The following PRKD3 variants were observed in gnomAD, a reference collection of about 807,000 sequenced individuals.
PRKD3 encodes protein kinase D3.
Under a neutral mutation model 99.2 loss-of-function variants are expected in PRKD3, and 47 were observed. The observed-to-expected ratio is 0.47, with a 90% CI of 0.38 to 0.60. PRKD3 has a LOEUF of 0.60. PRKD3 is among the 20% of genes least tolerant of loss of function. The probability of loss-of-function intolerance (pLI) is 0.00; values close to 1 mark genes in which losing one functional copy is unlikely to be tolerated. For synonymous variants in PRKD3, 392 were observed against 355.4 expected, an observed-to-expected ratio of 1.10 and a Z score of -1.16; for missense variants, 1,019 against 1,088.4, an observed-to-expected ratio of 0.94 and a Z score of 0.90.
rs992015234 is a variant in PRKD3, at chr2:37,254,234, A to G, written c.2469T>C (p.Val823=). Residue 823 remains valine, a synonymous_variant, in exon 18 of 19, where the codon GTT becomes GTC. Transcript: ENST00000234179. ...GCCAGGGATGACTAAGAGATTTGTC[A>G]ACACTGTAACGTTTTCTCATCTTCA... is the stretch of plus-strand genomic sequence containing the variant. ...LQVKMRKRYS[V]DKSLSHPWLQ... 7 of 1,613,310 alleles carry G rather than the reference A, an allele frequency of 4.3e-6. No homozygotes were observed. The highest frequency in any genetic ancestry group is 1.7e-5 in the Admixed American group (1 of 60,012).
intron 1 of PRKD3, among the ~76,000 whole-genome samples, chr2:37,319,397 T>C (rs1671784212): frequency 6.6e-6 from 1 of 152,074 alleles, no homozygotes; most frequent in Non-Finnish European, 1.5e-5. Flanking sequence ...ATTTATTAGA[T>C]AATAAAGGCA....
Position 37,253,234 on chromosome 2 carries a change from T to C in PRKD3, c.2616A>G (p.Val872=). The part of the protein sequence containing the change: ...WEIHAYTHNL[V]YPKHFIMAPN... The stretch of plus-strand genomic sequence containing the variant: ...GAGCCATAATGAAGTGCTTTGGGTA[T>C]ACAAGGTTATGTGTGTATGCATGTA... The change falls in exon 19 of 19, where the codon GTA becomes GTG. Residue 872 remains valine (V), a synonymous_variant. Coordinates refer to ENST00000234179, the MANE Select transcript of PRKD3 (RefSeq NM_005813.6). The C allele has an allele frequency of 6.2e-7, 1 of 1,612,304 alleles. No individual in the cohort carries two copies.
At chr2:37,255,163 A>G (rs1225346091) in intron 17 of PRKD3, among the ~76,000 whole-genome samples, 1 of 152,230 alleles carries the variant, frequency 6.6e-6, no homozygotes, top group African/African-American at 2.4e-5. Context: ...AACACTGGTT[A>G]ACATCAAAAA....
intron 8 of PRKD3, chr2:37,279,204 A>G (rs984635805): frequency 6.6e-6 from 1 of 152,202 alleles, no homozygotes; most frequent in Non-Finnish European, 1.5e-5. Context: ...GGCTACAAAA[A>G]TTGAATTTCT....
At chr2:37,278,830 G>GGGA (rs1226053007) in intron 8 of PRKD3, 8 of 152,226 alleles carry the variant, frequency 5.3e-5, no homozygotes, top group African/African-American at 9.7e-5. Flanking sequence ...CCAGCTACTT[G>GGGA]GGAGGCTGAG....
At chr2:37,313,078 C>T (rs1671508469) in intron 2 of PRKD3, among the ~76,000 whole-genome samples, 1 of 152,160 alleles carries the variant, frequency 6.6e-6, no homozygotes, top group Non-Finnish European at 1.5e-5. Context: ...ATACTCTGAT[C>T]AGATGCATAT....
intron 2 of PRKD3, among the ~76,000 whole-genome samples, chr2:37,300,435 G>C (rs1391421591): frequency 6.6e-6 from 1 of 152,094 alleles, no homozygotes; most frequent in Admixed American, 6.5e-5. Context: ...CAGTTAGATA[G>C]AAAAAATAAG....
intron 8 of PRKD3, 130 bp from the exon 9 acceptor site, chr2:37,278,119 T>C: frequency 1.6e-6 from 1 of 616,578 alleles, no homozygotes; most frequent in Non-Finnish European, 2.5e-6. Context: ...AAATAAACAA[T>C]GGCTGAAGAA....
intron 2 of PRKD3, among the ~76,000 whole-genome samples, chr2:37,315,122 A>G (rs1381744695): frequency 1.3e-5 from 2 of 152,232 alleles, no homozygotes; most frequent in Non-Finnish European, 2.9e-5. Flanking sequence ...TTGCAAATAG[A>G]AAGTTTACAA....
Position 37,274,672 on chromosome 2 carries a change from C to T in PRKD3, c.1400G>A (p.Arg467His), listed in dbSNP as rs571034336. The T allele has an allele frequency of 9.3e-6, 15 of 1,612,490 alleles. No homozygotes were observed. Among genetic ancestry groups the T allele is most frequent in the Middle Eastern group, 1.7e-4 (1 of 6,050 alleles). Residue 467 changes from arginine to histidine, a missense_variant, in exon 11 of 19, where the codon CGC (arginine) becomes CAC (histidine). Physicochemically the swap from Arg to His is conservative, Grantham distance 29 (BLOSUM62 0). This residue lies in a region of PRKD3 where 710 missense variants were observed against 692.7 expected (regional missense o/e 1.02). Transcript: ENST00000234179. Reference protein sequence around the residue: ...YKEIPLSEILRISSPRDFTNI... With the variant: ...YKEIPLSEILHISSPRDFTNI... ...TGTGAAATCTCGTGGTGAAGATATGCGGAGAATTTCTGAAAGTGGAATTTC... is the reference window on the plus strand; with the variant it reads ...TGTGAAATCTCGTGGTGAAGATATGTGGAGAATTTCTGAAAGTGGAATTTC...
chr2:37,322,835 T>C (rs372612026), intron 1 of PRKD3, among the ~76,000 whole-genome samples: 11 of 152,286 alleles, frequency 7.2e-5, no homozygotes, highest in East Asian at 5.8e-4. Context: ...TCACAGAAGA[T>C]TGTGAATTAT....
intron 5 of PRKD3, among the ~76,000 whole-genome samples, chr2:37,287,451 C>T (rs1424796737): frequency 2.0e-5 from 3 of 151,142 alleles, no homozygotes; most frequent in African/African-American, 7.3e-5. Flanking sequence ...GACTTCTTTT[C>T]CTTCCCTTGG....
chr2:37,268,205 A>G (rs1044552233), intron 13 of PRKD3: 5 of 416,116 alleles, frequency 1.2e-5, no homozygotes, highest in East Asian at 7.1e-5. Context: ...ATAGCTATTT[A>G]TTTTAGATTA....
At position 37,282,596 on chromosome 2, in the gene PRKD3, G is replaced by A. The variant is rs2148557897; in HGVS notation, c.934C>T (p.Arg312Cys). The change falls in exon 7 of 19, where the codon CGC becomes TGC. Residue 312 changes from arginine to cysteine, a missense_variant. Physicochemically the swap from Arg to Cys is radical, Grantham distance 180. Around this residue, in one of 3 missense-constraint regions of PRKD3, gnomAD observed 710 missense variants for 692.7 expected, o/e 1.02. Coordinates refer to ENST00000234179, the MANE Select transcript of PRKD3 (RefSeq NM_005813.6). Reference protein sequence around the residue: ...CKDCKFNCHKRCASKVPRDCL... With the variant: ...CKDCKFNCHKCCASKVPRDCL... ...TCTCTTGGTACTTTTGATGCACAGC[G>A]TTTATGGCAGTTGAATTTGCAATCT... is the stretch of plus-strand genomic sequence containing the variant. 4.4e-6 allele frequency: 7 copies of A among 1,600,852 alleles called. No individual in the cohort carries two copies. The highest frequency in any genetic ancestry group is 5.1e-6 in the Non-Finnish European group (6 of 1,168,198).
At chr2:37,314,318 C>T (rs1671568883) in intron 2 of PRKD3, among the ~76,000 whole-genome samples, 1 of 152,278 alleles carries the variant, frequency 6.6e-6, no homozygotes, top group South Asian at 2.1e-4. Flanking sequence ...TTTTATGCTG[C>T]TATGTCCACA....
At chr2:37,286,443 A>G (rs2287091) in intron 5 of PRKD3, 74 bp from the exon 6 acceptor site, 104,506 of 1,256,540 alleles carry the variant, frequency 0.083, 7,586 homozygotes, top group East Asian at 0.34. Context: ...CTTAACCACA[A>G]GAATCATTTA....
chr2:37,324,241 A>G (rs868644575), intron 1 of PRKD3: 6 of 985,364 alleles, frequency 6.1e-6, no homozygotes, highest in Admixed American at 6.1e-5. Flanking sequence ...ATGAAACGAA[A>G]AAGCTGGTCC....
At chr2:37,275,540 G>T (rs906083914) in intron 10 of PRKD3, among the ~76,000 whole-genome samples, 3 of 152,116 alleles carry the variant, frequency 2.0e-5, no homozygotes, top group Admixed American at 6.6e-5. Flanking sequence ...AGGCAAGCCA[G>T]AAATAAATAA....
At chr2:37,291,442 A>G (rs147408352) in intron 3 of PRKD3, among the ~76,000 whole-genome samples, 2,845 of 152,322 alleles carry the variant, frequency 0.019, 47 homozygotes, top group Non-Finnish European at 0.029. Context: ...TTTGTTCTCC[A>G]CAGTCCTAGT....
Sources: allele counts gnomAD v4.1 joint callset (sites outside exome capture counted in the v4.1 genomes callset), GRCh38; gene constraint gnomAD v4.1.1; regional missense constraint gnomAD v4.1.1; transcripts MANE v1.5; gene names NCBI Gene and HGNC (gene_info 2026-07-23, HGNC 2026-07-21).